SLC4A4: variants seen among roughly 807,000 people sequenced by gnomAD.
SLC4A4 encodes the protein solute carrier family 4 member 4.
SLC4A4 carries 27 observed loss-of-function variants against 111.5 expected under a neutral mutation model. The ratio of observed to expected loss-of-function variants is 0.24; its 90% CI spans 0.18 to 0.33. The LOEUF (loss-of-function observed/expected upper bound fraction) is 0.33, where lower values mean the gene tolerates loss of function less well. Ranked by LOEUF, SLC4A4 falls within the 10% of genes least tolerant of loss-of-function variation. SLC4A4 has a pLI of 1.00. For missense variants in SLC4A4, 909 were observed against 1,315.5 expected, an observed-to-expected ratio of 0.69 and a Z score of 4.78; for synonymous variants, 443 against 463.4, an observed-to-expected ratio of 0.96 and a Z score of 0.57.
chr4:71,086,815 T>C (rs543702569), intron 1 of SLC4A4, among the ~76,000 whole-genome samples: 2 of 152,118 alleles, frequency 1.3e-5, no homozygotes, highest in African/African-American at 4.8e-5. Context: ...GCCAGTATTT[T>C]ATTGAGGATT....
rs1485479741 is a variant in SLC4A4, at chr4:71,230,260, A to G, written c.-1-6316A>G. 2.0e-5 allele frequency among the ~76,000 whole-genome samples: 3 copies of G among 152,332 alleles called. No individual in the cohort carries two copies. The East Asian group carries it at 5.8e-4, about 29-fold the overall frequency. ...TGTGAAATGCTGATTTTTGTCTTTC[A>G]TCTGATCCAAGATTAGCCAAGTAAC... On this transcript the variant is annotated intron_variant, in intron 1 of 25. Transcript: ENST00000264485.
intron 1 of SLC4A4, among the ~76,000 whole-genome samples, chr4:71,090,593 T>A (rs1280848982): frequency 6.6e-6 from 1 of 152,188 alleles, no homozygotes; most frequent in Non-Finnish European, 1.5e-5. Context: ...CCTGCAAGAT[T>A]TTAGTGACTC....
chr4:71,427,622 G>A (rs527963608), intron 7 of SLC4A4, among the ~76,000 whole-genome samples: 182 of 152,074 alleles, frequency 1.2e-3, no homozygotes, highest in African/African-American at 4.3e-3. Flanking sequence ...CTGATTAAAT[G>A]TCAGATATAA....
chr4:71,177,506 A>G (rs1429079479), intron 2 of SLC4A4, among the ~76,000 whole-genome samples: 2 of 152,114 alleles, frequency 1.3e-5, no homozygotes, highest in Non-Finnish European at 2.9e-5. Flanking sequence ...AATGGAAAAC[A>G]AAAAAAGGCA....
At chr4:71,550,983 C>T (rs796741086) in intron 20 of SLC4A4, among the ~76,000 whole-genome samples, 24 of 151,946 alleles carry the variant, frequency 1.6e-4, no homozygotes, top group Admixed American at 2.6e-4. Flanking sequence ...ACCACTGATT[C>T]GGTACTGAAC....
chr4:71,521,287 G>A (rs1263589512), intron 16 of SLC4A4, among the ~76,000 whole-genome samples: 4 of 151,824 alleles, frequency 2.6e-5, no homozygotes, highest in Admixed American at 1.3e-4. Flanking sequence ...GCTGGAGTGC[G>A]GTGGAGTAAT....
chr4:71,555,419 T>C (rs1487642418), intron 21 of SLC4A4, among the ~76,000 whole-genome samples: 1 of 151,980 alleles, frequency 6.6e-6, no homozygotes, highest in Non-Finnish European at 1.5e-5. Context: ...ACATACCCAT[T>C]GTTTAAATAG....
chr4:71,351,971 G>A (rs1472113304), intron 5 of SLC4A4, among the ~76,000 whole-genome samples: 1 of 152,152 alleles, frequency 6.6e-6, no homozygotes, highest in Non-Finnish European at 1.5e-5. Context: ...AGGTGAAGCT[G>A]AAAATGGAAA....
At position 71,346,292 on chromosome 4, in the gene SLC4A4, C is replaced by T. The variant is rs898421140; in HGVS notation, c.390-3620C>T. ...ATAAACCCCTCCTCCAAGGTTAAAA[C>T]GGTTTTGTAATTGCAAGTATTTAAA... On this transcript the variant is annotated intron_variant, in intron 4 of 25. Coordinates refer to ENST00000264485, the MANE Select transcript of SLC4A4 (RefSeq NM_001098484.3). Among the ~76,000 whole-genome samples, 6 of 152,052 alleles carry T rather than the reference C, an allele frequency of 3.9e-5. No individual in the cohort carries two copies. In the South Asian group the frequency reaches 8.3e-4, roughly 21 times the overall value.
At chr4:71,337,257 C>A (rs184717862) in intron 3 of SLC4A4, among the ~76,000 whole-genome samples, 65 of 152,266 alleles carry the variant, frequency 4.3e-4, no homozygotes, top group African/African-American at 1.5e-3. Context: ...ATTGTGGTGA[C>A]TGAAATGTAC....
chr4:71,339,020 G>A (rs1728663195), intron 3 of SLC4A4: 1 of 1,418,276 alleles, frequency 7.1e-7, no homozygotes, highest in Non-Finnish European at 9.2e-7. Flanking sequence ...GCTGGCTTTT[G>A]TCTTATAATT....
intron 2 of SLC4A4, 53 bp from the exon 3 acceptor site, chr4:71,255,167 C>A: frequency 6.8e-7 from 1 of 1,467,108 alleles, no homozygotes; most frequent in South Asian, 1.1e-5. Context: ...TGCAATTTGT[C>A]TGCAGTAGAG....
chr4:71,569,279 AT>A lies in SLC4A4; in HGVS notation c.*1529del, dbSNP rs1737754157. 2.6e-5 allele frequency: 4 copies of A among 151,852 alleles called. No individual in the cohort carries two copies. In the East Asian group the frequency reaches 7.8e-4, roughly 30 times the overall value. The allele number at this position is 151,852 out of a possible 1,614,324, so 9.4% of individuals were successfully genotyped here. On this transcript the variant is annotated 3_prime_UTR_variant, in exon 26 of 26. Transcript: ENST00000264485. ...ATTGATATAATAGCTCTAACATGCA[AT>A]ATAAAATTCATAGGAGTATTAATAG... is the stretch of plus-strand genomic sequence containing the variant.
At chr4:71,129,784 C>CAAAAAAAAAAAAAAAA (rs35737857) in intron 2 of SLC4A4, among the ~76,000 whole-genome samples, 1 of 75,582 alleles carries the variant, frequency 1.3e-5, no homozygotes, top group Non-Finnish European at 2.5e-5. Context: ...TACCATGCAC[C>CAAAAAAAAAAAAAAAA]AAAAAAAAAA....
At chr4:71,563,136 A>G (rs1021495918) in intron 23 of SLC4A4, among the ~76,000 whole-genome samples, 6 of 151,902 alleles carry the variant, frequency 3.9e-5, no homozygotes, top group African/African-American at 1.4e-4. Context: ...TGTCATTTCC[A>G]TTATGATTCT....
At chr4:71,405,968 A>T (rs1389807710) in intron 7 of SLC4A4, among the ~76,000 whole-genome samples, 2 of 113,382 alleles carry the variant, frequency 1.8e-5, no homozygotes, top group Non-Finnish European at 3.8e-5. Context: ...TTGACTGAAG[A>T]TGTTGCTGTT....
chr4:71,177,407 C>T lies in SLC4A4; in HGVS notation c.-1-59169C>T, dbSNP rs534192513. Among the ~76,000 whole-genome samples the T allele has an allele frequency of 6.0e-4, 91 of 152,226 alleles. 2 individuals carry two copies. Among genetic ancestry groups the T allele is most frequent in the African/African-American group, 1.8e-3 (76 of 41,526 alleles). ...GCAAATTGGATAAAGAGTCAAGACC[C>T]ATCAGTGTGCTATATTCAGGAAACC... On this transcript the variant is annotated intron_variant, in intron 2 of 26. Coordinates refer to the SLC4A4 transcript ENST00000649996.
intron 16 of SLC4A4, among the ~76,000 whole-genome samples, chr4:71,502,194 C>G (rs1036147175): frequency 6.6e-5 from 10 of 152,206 alleles, no homozygotes; most frequent in African/African-American, 2.4e-4. Flanking sequence ...CTGTTGATCT[C>G]AAGTGATCCA....
chr4:71,155,378 A>T (rs551815649), intron 2 of SLC4A4, among the ~76,000 whole-genome samples: 4 of 152,204 alleles, frequency 2.6e-5, no homozygotes, highest in Non-Finnish European at 4.4e-5. Context: ...AAGAAGAAAC[A>T]TCAGTGGTCT....
Sources: gnomAD v4.1 joint callset for allele counts (sites outside exome capture counted in the v4.1 genomes callset) on GRCh38, gnomAD v4.1.1 for gene constraint, MANE v1.5 for transcripts, NCBI Gene and HGNC (gene_info 2026-07-23, HGNC 2026-07-21) for gene names.